Variants in WFDC10B observed in about 807,000 individuals in gnomAD.
The protein encoded by WFDC10B is WAP four-disulfide core domain 10B, also known as protein WFDC10B.
WFDC10B carries 1 observed loss-of-function variant against 2.7 expected under a neutral mutation model. That is an observed-to-expected ratio of 0.38 (90% CI 0.13 to 1.79). The LOEUF is 1.79. Ranked by LOEUF, WFDC10B falls within the 40% of genes most tolerant of loss-of-function variation. The pLI is 0.33. For synonymous variants in WFDC10B, 26 were observed against 32.2 expected, an observed-to-expected ratio of 0.81 and a Z score of 0.65; for missense variants, 71 against 87.8, an observed-to-expected ratio of 0.81 and a Z score of 0.76.
intron 1 of WFDC10B, 23 bp downstream of exon 1, chr20:45,704,895 C>T (rs770248589): frequency 8.1e-6 from 13 of 1,612,652 alleles, no homozygotes; most frequent in Non-Finnish European, 1.1e-5. Flanking sequence ...CCAGAATCCA[C>T]CCTTATCCCA....
chr20:45,686,049 A>G lies in WFDC10B; in HGVS notation c.-57T>C, dbSNP rs530139660. The stretch of plus-strand genomic sequence containing the variant: ...GCCAGGCAGTCACAGACTTCCCTGC[A>G]GAGCTGCCTGTGGAGAGGGAAGGAA... On this transcript the variant is annotated 5_prime_UTR_variant, in exon 3 of 4. Transcript: ENST00000330523. The G allele has an allele frequency of 6.3e-7, 1 of 1,591,794 alleles. No homozygotes were observed. The highest frequency in any genetic ancestry group is 2.3e-5 in the East Asian group (1 of 43,758).
chr20:45,687,853 C>T (rs6094197), intron 2 of WFDC10B, among the ~76,000 whole-genome samples: 28,453 of 141,422 alleles, frequency 0.2, 2,950 homozygotes, highest in East Asian at 0.36. Context: ...GATTGCTTGT[C>T]TTTTCTTTTA....
At position 45,684,810 on chromosome 20, in the gene WFDC10B, A is replaced by G. The variant is rs199502620; in HGVS notation, c.*20T>C. ...GAAGGGTTCAGGGAGCAGGATGCAC[A>G]TCCCAGCCCACTCTCCCACTCATAG... On this transcript the variant is annotated 3_prime_UTR_variant, in exon 4 of 4. Coordinates refer to ENST00000330523, the MANE Select transcript of WFDC10B (RefSeq NM_172006.2). 1.7e-5 allele frequency: 27 copies of G among 1,612,262 alleles called. No individual in the cohort carries two copies. Among genetic ancestry groups the G allele is most frequent in the Non-Finnish European group, 2.3e-5 (27 of 1,179,018 alleles).
At position 45,690,681 on chromosome 20, in the gene WFDC10B, G is replaced by T. The variant is rs182592358; in HGVS notation, c.-64-4625C>A. Among the ~76,000 whole-genome samples, 32 of 152,136 alleles carry T rather than the reference G, an allele frequency of 2.1e-4. No homozygotes were observed. The East Asian group carries it at 2.9e-3, about 14-fold the overall frequency. On this transcript the variant is annotated intron_variant, in intron 2 of 3. Coordinates refer to ENST00000330523, the MANE Select transcript of WFDC10B (RefSeq NM_172006.2). ...AGTTTGTATTTCTGTGGGATCGGTG[G>T]TGATACCCCTTTATCATTTTTTATT...
chr20:45,686,455 G>T (rs2145633759), intron 2 of WFDC10B, among the ~76,000 whole-genome samples: 1 of 151,650 alleles, frequency 6.6e-6, no homozygotes, highest in Non-Finnish European at 1.5e-5. Context: ...CCTATCTTTT[G>T]TTACCTACCG....
Position 45,702,869 on chromosome 20 carries a change from A to G in WFDC10B, c.-65+1628T>C, listed in dbSNP as rs533292166. On this transcript the variant is annotated intron_variant, in intron 2 of 3. Coordinates refer to ENST00000330523, the MANE Select transcript of WFDC10B (RefSeq NM_172006.2). Reference sequence around the variant, plus strand: ...TGGGAAAAGAACTGTTATTCATCATACATCCACTCTTCTATGGGGAAAACA... The same window carrying G: ...TGGGAAAAGAACTGTTATTCATCATGCATCCACTCTTCTATGGGGAAAACA... 1.2e-3 allele frequency among the ~76,000 whole-genome samples: 187 copies of G among 152,324 alleles called. 2 individuals carry two copies. Among genetic ancestry groups the G allele is most frequent in the African/African-American group, 3.5e-3 (145 of 41,548 alleles).
chr20:45,704,881 C>A, intron 1 of WFDC10B, 37 bp downstream of exon 1: 1 of 1,605,150 alleles, frequency 6.2e-7, no homozygotes, highest in South Asian at 1.1e-5. Flanking sequence ...GACCTTCCCC[C>A]GACCCAGAAT....
chr20:45,701,502 C>G (rs982861834), intron 2 of WFDC10B, among the ~76,000 whole-genome samples: 1 of 152,118 alleles, frequency 6.6e-6, no homozygotes, highest in African/African-American at 2.4e-5. Context: ...TGGCTCACAC[C>G]TGTAATCCTA....
At chr20:45,703,946 G>T (rs1323175906) in intron 2 of WFDC10B, among the ~76,000 whole-genome samples, 1 of 152,118 alleles carries the variant, frequency 6.6e-6, no homozygotes, top group Non-Finnish European at 1.5e-5. Flanking sequence ...TCAGTTTAAT[G>T]CATGGTCTTC....
At chr20:45,690,909 T>G (rs1180205311) in intron 2 of WFDC10B, among the ~76,000 whole-genome samples, 4 of 152,232 alleles carry the variant, frequency 2.6e-5, no homozygotes, top group Non-Finnish European at 4.4e-5. Flanking sequence ...GCTTTTCTAG[T>G]TCTTTTAATT....
chr20:45,699,088 AT>A (rs1210308098), intron 2 of WFDC10B, among the ~76,000 whole-genome samples: 1 of 152,138 alleles, frequency 6.6e-6, no homozygotes, highest in Non-Finnish European at 1.5e-5. Flanking sequence ...ACCACTTCAC[AT>A]TTTTTGACTG....
intron 2 of WFDC10B, among the ~76,000 whole-genome samples, chr20:45,693,521 C>T (rs532516057): frequency 1.1e-3 from 171 of 152,308 alleles, no homozygotes; most frequent in Middle Eastern, 6.8e-3. Context: ...CCTAAGCAAG[C>T]CTGTGCAATG....
intron 2 of WFDC10B, among the ~76,000 whole-genome samples, chr20:45,703,702 T>G (rs113508860): frequency 2.0e-5 from 3 of 152,238 alleles, no homozygotes; most frequent in African/African-American, 7.2e-5. Context: ...AGCTTTGAAC[T>G]GAAATACTTG....
chr20:45,685,168 A>C (rs1983566797), intron 3 of WFDC10B, among the ~76,000 whole-genome samples: 1 of 152,064 alleles, frequency 6.6e-6, no homozygotes, highest in African/African-American at 2.4e-5. Context: ...ATCTCACCCC[A>C]GTAGACTTCA....
At position 45,704,901 on chromosome 20, in the gene WFDC10B, TC is replaced by T; in HGVS notation, c.-130+16del. On this transcript the variant is annotated intron_variant, in intron 1 of 3. Transcript: ENST00000330523. ...TCCCCCGACCCAGAATCCACCCTTA[TC>T]CCAGGGACACTGTACCTGCAGGTGT... 2 of 1,612,560 alleles carry T rather than the reference TC, an allele frequency of 1.2e-6. No homozygotes were observed. The highest frequency in any genetic ancestry group is 1.7e-6 in the Non-Finnish European group (2 of 1,178,652).
chr20:45,692,803 C>T (rs540199823), intron 2 of WFDC10B, among the ~76,000 whole-genome samples: 4,883 of 152,218 alleles, frequency 0.032, 256 homozygotes, highest in African/African-American at 0.11. Context: ...GTAGTTTGAT[C>T]GTCTGAAGCC....
chr20:45,698,187 G>C (rs1984036690), intron 2 of WFDC10B, among the ~76,000 whole-genome samples: 3 of 152,194 alleles, frequency 2.0e-5, no homozygotes, highest in African/African-American at 7.2e-5. Context: ...TGTTGGCTGT[G>C]TGACCCAGCC....
chr20:45,704,660 C>T lies in WFDC10B; in HGVS notation c.-129-99G>A, dbSNP rs188076182. 170 of 1,576,474 alleles carry T rather than the reference C, an allele frequency of 1.1e-4. 1 individual carries two copies. Among genetic ancestry groups the T allele is most frequent in the Middle Eastern group, 5.1e-4 (3 of 5,844 alleles). Reference sequence around the variant, plus strand: ...TGGTGGGAGCCCAGCAGAAGAGTCCCTTACCAGCAACTGTGCTGGATCTCT... The same window carrying T: ...TGGTGGGAGCCCAGCAGAAGAGTCCTTTACCAGCAACTGTGCTGGATCTCT... On this transcript the variant is annotated intron_variant, in intron 1 of 3. Transcript: ENST00000330523.
intron 3 of WFDC10B, 85 bp from the exon 4 acceptor site, chr20:45,685,045 A>G: frequency 6.4e-7 from 1 of 1,565,738 alleles, no homozygotes; most frequent in Non-Finnish European, 8.6e-7. Context: ...ATGGCCCCAG[A>G]ACCAAGGCAC....
Sources: gnomAD v4.1 joint callset for allele counts (sites outside exome capture counted in the v4.1 genomes callset) on GRCh38, gnomAD v4.1.1 for gene constraint, MANE v1.5 for transcripts, NCBI Gene and HGNC (gene_info 2026-07-23, HGNC 2026-07-21) for gene names.